The following CCDC57 variants were observed in gnomAD, a reference collection of about 807,000 sequenced individuals.
CCDC57 encodes the protein coiled-coil domain containing 57.
Under a neutral mutation model 118.9 loss-of-function variants are expected in CCDC57, and 118 were observed. The ratio of observed to expected loss-of-function variants is 0.99; its 90% CI spans 0.86 to 1.16. CCDC57 has a LOEUF of 1.16. Ranked by LOEUF, CCDC57 falls within the 50% of genes most tolerant of loss-of-function variation. The pLI is 0.00. For missense variants in CCDC57, 1,300 were observed against 1,320.7 expected (o/e 0.98, Z 0.24); for synonymous variants, 527 against 532.9 (o/e 0.99, Z 0.15).
intron 1 of CCDC57, among the ~76,000 whole-genome samples, chr17:82,211,328 A>T (rs2050169971): frequency 6.6e-6 from 1 of 152,208 alleles, no homozygotes; most frequent in Non-Finnish European, 1.5e-5. Flanking sequence ...TAGTGGACTC[A>T]TCATTGGATC....
intron 19 of CCDC57, among the ~76,000 whole-genome samples, chr17:82,119,695 G>C (rs999624810): frequency 2.0e-4 from 30 of 151,988 alleles, no homozygotes; most frequent in African/African-American, 7.2e-4. Context: ...CAGGGGTTGG[G>C]GGGCACCCAC....
rs993271956 is a variant in CCDC57 at position 82,192,885 on chromosome 17, C to T, written c.851+871G>A. ...AAAAATCGCCTGAGTCACTGTCCAT[C>T]GCCGTTGTATTACACAGTGTCTTTT... On this transcript the variant is annotated intron_variant, in intron 7 of 19. Coordinates refer to ENST00000665763, the Ensembl canonical transcript of CCDC57. The surrounding 1 kb of genome is among the most constrained non-coding windows in gnomAD (Gnocchi z 4.0). 1.3e-5 allele frequency among the ~76,000 whole-genome samples: 2 copies of T among 152,122 alleles called. No homozygotes were observed. The highest frequency in any genetic ancestry group is 6.5e-5 in the Admixed American group (1 of 15,272).
chr17:82,177,317 G>A (rs1173807963), intron 11 of CCDC57, among the ~76,000 whole-genome samples: 3 of 151,994 alleles, frequency 2.0e-5, no homozygotes, highest in South Asian at 2.1e-4. Flanking sequence ...CGGAGGGTGC[G>A]GTGAGCAGAG....
At chr17:82,101,774 C>A (rs775533874) in exon 20 of CCDC57, 1 of 1,609,328 alleles carries the variant, frequency 6.2e-7, no homozygotes, top group Non-Finnish European at 8.5e-7. Flanking sequence ...GTGGTCTTGG[C>A]CTTTGCCTGG....
intron 16 of CCDC57, among the ~76,000 whole-genome samples, chr17:82,136,000 G>T (rs140936427): frequency 5.9e-5 from 9 of 152,290 alleles, no homozygotes; most frequent in Admixed American, 2.6e-4. Context: ...AGCAAGTGCT[G>T]GTGCAGATGT....
intron 16 of CCDC57, among the ~76,000 whole-genome samples, chr17:82,146,910 C>T (rs963072849): frequency 7.9e-5 from 12 of 152,206 alleles, no homozygotes; most frequent in African/African-American, 2.9e-4. Flanking sequence ...CACAGTCTCA[C>T]ATACAAATGC....
chr17:82,119,871 A>G (rs1330759809), intron 19 of CCDC57, among the ~76,000 whole-genome samples: 1 of 152,150 alleles, frequency 6.6e-6, no homozygotes, highest in East Asian at 1.9e-4. Flanking sequence ...TGGGTCCTCC[A>G]AAGAGCCGCA....
At chr17:82,189,690 A>G (rs952450616) in intron 7 of CCDC57, among the ~76,000 whole-genome samples, 2 of 152,144 alleles carry the variant, frequency 1.3e-5, no homozygotes, top group Admixed American at 1.3e-4. Flanking sequence ...TCTCCACTAA[A>G]AAAAATACAA....
rs1045668928 is a variant in CCDC57, at chr17:82,198,207, C to T, written c.516+107G>A. 8 of 643,732 alleles carry T rather than the reference C, an allele frequency of 1.2e-5. No individual in the cohort carries two copies. The East Asian group carries it at 2.3e-4, about 19-fold the overall frequency. 39.9% of individuals were successfully genotyped at this position (643,732 alleles called of 1,614,324 possible). On this transcript the variant is annotated intron_variant, in intron 4 of 19. Transcript: ENST00000665763. ...CCCCATTTTACTCCCAAGGAGAATGCAGGCAATGAACCAAATGGTTGTCTT... is the reference window on the plus strand; with the variant it reads ...CCCCATTTTACTCCCAAGGAGAATGTAGGCAATGAACCAAATGGTTGTCTT...
chr17:82,184,437 C>T (rs1174431005), intron 8 of CCDC57, among the ~76,000 whole-genome samples: 1 of 152,240 alleles, frequency 6.6e-6, no homozygotes, highest in Admixed American at 6.5e-5. Flanking sequence ...ATAACCTTAA[C>T]AGCAGGATGC....
chr17:82,185,901 T>C (rs2046865779), intron 8 of CCDC57, among the ~76,000 whole-genome samples: 1 of 152,220 alleles, frequency 6.6e-6, no homozygotes, highest in African/African-American at 2.4e-5. Flanking sequence ...TGGCTGTCAC[T>C]TATTTCTATT....
intron 8 of CCDC57, among the ~76,000 whole-genome samples, 156 bp downstream of exon 7, chr17:82,188,063 A>T (rs1382573736): frequency 1.3e-5 from 2 of 151,918 alleles, no homozygotes; most frequent in African/African-American, 4.8e-5. Flanking sequence ...AAAAAAAAAA[A>T]AAAAGAGTGG....
At chr17:82,157,352 G>C in intron 15 of CCDC57, 1 of 827,848 alleles carries the variant, frequency 1.2e-6, no homozygotes, top group Non-Finnish European at 1.5e-6. Flanking sequence ...AGGGCCCAAC[G>C]CTAGGCATGG....
rs546583529 is a variant in CCDC57 at position 82,201,143 on chromosome 17, T to C, written c.407+395A>G. 1.7e-4 allele frequency among the ~76,000 whole-genome samples: 26 copies of C among 152,384 alleles called. No homozygotes were observed. In the South Asian group the frequency reaches 5.2e-3, roughly 30 times the overall value. ...CCACAACAAAGGCTTTAGGTTTTTA[T>C]GTCGACTTGCCTTAAGTCAGCTCAT... On this transcript the variant is annotated intron_variant, in intron 3 of 19. Coordinates refer to ENST00000665763, the Ensembl canonical transcript of CCDC57.
At chr17:82,129,578 G>T (rs2145291801) in intron 17 of CCDC57, among the ~76,000 whole-genome samples, 1 of 152,272 alleles carries the variant, frequency 6.6e-6, no homozygotes, top group African/African-American at 2.4e-5. Flanking sequence ...CTGATGTAAG[G>T]TCCCTGATGC....
chr17:82,120,011 G>C (rs1399478984), intron 19 of CCDC57, among the ~76,000 whole-genome samples: 14 of 152,090 alleles, frequency 9.2e-5, no homozygotes, highest in South Asian at 8.3e-4. Flanking sequence ...TGAGCAGGAG[G>C]GTGGTTCGGG....
At chr17:82,173,098 C>CA (rs1398090714) in intron 11 of CCDC57, among the ~76,000 whole-genome samples, 1 of 151,980 alleles carries the variant, frequency 6.6e-6, no homozygotes, top group African/African-American at 2.4e-5. Context: ...GTCCAATCCA[C>CA]AGAGGCAGAA....
chr17:82,145,533 A>G (rs571402902), intron 16 of CCDC57, among the ~76,000 whole-genome samples: 77 of 151,862 alleles, frequency 5.1e-4, no homozygotes, highest in African/African-American at 1.6e-3. Context: ...GGCAACAGAG[A>G]TTCTGTCTCA....
intron 11 of CCDC57, among the ~76,000 whole-genome samples, chr17:82,173,889 A>G (rs1417862387): frequency 1.3e-5 from 2 of 152,114 alleles, no homozygotes; most frequent in African/African-American, 4.8e-5. Flanking sequence ...TCCTTCTCTA[A>G]CCAAAGGTGA....
Sources: gnomAD v4.1 joint callset for allele counts (sites outside exome capture counted in the v4.1 genomes callset) on GRCh38, gnomAD v4.1.1 for gene constraint, Gnocchi (gnomAD v3.1) non-coding constraint, MANE v1.5 for transcripts, NCBI Gene and HGNC (gene_info 2026-07-23, HGNC 2026-07-21) for gene names.